ZMAT4: variants seen among roughly 807,000 people sequenced by gnomAD.
ZMAT4 encodes zinc finger matrin-type 4.
A neutral mutation model predicts 28.7 loss-of-function variants in ZMAT4; 17 were observed. The observed-to-expected ratio is 0.59, with a 90% CI of 0.41 to 0.89. ZMAT4 has a LOEUF of 0.89. Ranked by LOEUF, ZMAT4 falls within the 40% of genes least tolerant of loss-of-function variation. The pLI, the probability that ZMAT4 is intolerant of heterozygous loss-of-function variation, is 0.00. For missense variants in ZMAT4, 240 were observed against 283.8 expected (o/e 0.85, Z 1.11); for synonymous variants, 117 against 109.2 (o/e 1.07, Z -0.44).
intron 6 of ZMAT4, among the ~76,000 whole-genome samples, chr8:40,540,474 G>C (rs1042631536): frequency 4.6e-5 from 7 of 152,152 alleles, no homozygotes; most frequent in Non-Finnish European, 7.4e-5. Flanking sequence ...GGACAAACAA[G>C]CTCCAAATTT....
Position 40,767,738 on chromosome 8 carries a change from G to A in ZMAT4, c.103-8C>T, listed in dbSNP as rs769804147. On this transcript the variant is annotated splice_polypyrimidine_tract_variant and splice_region_variant and intron_variant, in intron 2 of 6. Transcript: ENST00000297737. ...GCTTGCATGTTTTCGACTCTGGGAA[G>A]GAAAAGCATAAGCAGATACTGTAAA... 5 of 1,609,532 alleles carry A rather than the reference G, an allele frequency of 3.1e-6. No homozygotes were observed. In the African/African-American group the frequency reaches 6.7e-5, roughly 22 times the overall value.
At chr8:40,693,271 C>T (rs1809733339) in intron 4 of ZMAT4, among the ~76,000 whole-genome samples, 1 of 152,152 alleles carries the variant, frequency 6.6e-6, no homozygotes, top group African/African-American at 2.4e-5. Flanking sequence ...CATGTGCCAT[C>T]ATGCCTGGCT....
At chr8:40,769,764 T>C (rs2150563149) in intron 2 of ZMAT4, among the ~76,000 whole-genome samples, 1 of 151,496 alleles carries the variant, frequency 6.6e-6, no homozygotes, top group African/African-American at 2.4e-5. Flanking sequence ...GGAAATCTCA[T>C]CATGCGGCCT....
chr8:40,580,434 A>G (rs1044933974), intron 6 of ZMAT4, among the ~76,000 whole-genome samples: 1 of 152,208 alleles, frequency 6.6e-6, no homozygotes, highest in Non-Finnish European at 1.5e-5. Context: ...ATGTTAAATG[A>G]TCCTCCTAAT....
chr8:40,763,183 C>G (rs1457601507), intron 3 of ZMAT4, among the ~76,000 whole-genome samples: 1 of 152,174 alleles, frequency 6.6e-6, no homozygotes, highest in African/African-American at 2.4e-5. Context: ...CATCTGACTT[C>G]CCCACTAGAT....
intron 1 of ZMAT4, among the ~76,000 whole-genome samples, chr8:40,894,595 G>A (rs1006348095): frequency 2.0e-5 from 3 of 151,990 alleles, no homozygotes; most frequent in African/African-American, 4.8e-5. Flanking sequence ...AGATGAAGAG[G>A]GAAAATAGCA....
intron 5 of ZMAT4, among the ~76,000 whole-genome samples, chr8:40,637,138 A>T (rs1806823736): frequency 6.6e-6 from 1 of 152,168 alleles, no homozygotes; most frequent in African/African-American, 2.4e-5. Flanking sequence ...GTGGGCACAC[A>T]GAAGTCCTGA....
At chr8:40,594,546 T>G (rs999206682) in intron 5 of ZMAT4, among the ~76,000 whole-genome samples, 1 of 152,192 alleles carries the variant, frequency 6.6e-6, no homozygotes, top group Non-Finnish European at 1.5e-5. Context: ...GAGATAATAA[T>G]TGTACCTACT....
intron 3 of ZMAT4, among the ~76,000 whole-genome samples, chr8:40,707,982 T>G (rs1470117534): frequency 6.6e-6 from 1 of 152,196 alleles, no homozygotes; most frequent in African/African-American, 2.4e-5. Context: ...TATCGTTTTT[T>G]TAAAATCTCT....
At chr8:40,865,457 C>A (rs1457523400) in intron 1 of ZMAT4, among the ~76,000 whole-genome samples, 5 of 152,206 alleles carry the variant, frequency 3.3e-5, no homozygotes, top group African/African-American at 1.2e-4. Context: ...AGGGATCTTC[C>A]AGGCAGGATG....
chr8:40,600,664 C>G (rs1040015273), intron 5 of ZMAT4, among the ~76,000 whole-genome samples: 4 of 152,192 alleles, frequency 2.6e-5, no homozygotes, highest in Admixed American at 6.5e-5. Context: ...TAATAACAGG[C>G]CTTCTGAAGG....
At chr8:40,892,372 C>A (rs1818725916) in intron 1 of ZMAT4, among the ~76,000 whole-genome samples, 1 of 151,600 alleles carries the variant, frequency 6.6e-6, no homozygotes, top group African/African-American at 2.4e-5. Flanking sequence ...CTCACAGCCA[C>A]ACTCAGGAGC....
intron 5 of ZMAT4, among the ~76,000 whole-genome samples, chr8:40,601,850 C>G (rs1347613691): frequency 3.3e-5 from 5 of 152,090 alleles, no homozygotes; most frequent in East Asian, 3.9e-4. Flanking sequence ...GTACAGGCAA[C>G]AGATGTTTTT....
chr8:40,607,586 G>A (rs1367431508), intron 5 of ZMAT4, among the ~76,000 whole-genome samples: 2 of 151,854 alleles, frequency 1.3e-5, no homozygotes, highest in East Asian at 1.9e-4. Context: ...GTGATTTCTT[G>A]GGGATGTTAA....
intron 1 of ZMAT4, among the ~76,000 whole-genome samples, chr8:40,871,126 A>T (rs1463948645): frequency 6.6e-6 from 1 of 152,204 alleles, no homozygotes; most frequent in East Asian, 1.9e-4. Context: ...CTGCCCACTC[A>T]TTCAGGTAAA....
intron 1 of ZMAT4, among the ~76,000 whole-genome samples, chr8:40,833,355 G>A (rs1053631578): frequency 6.6e-6 from 1 of 151,978 alleles, no homozygotes; most frequent in Non-Finnish European, 1.5e-5. Context: ...AGATTATGAG[G>A]TCAGGAGTTC....
intron 2 of ZMAT4, among the ~76,000 whole-genome samples, chr8:40,820,837 GTATGTGTGTATGTTTATGT>G (rs1815772556): frequency 3.8e-5 from 1 of 26,558 alleles, no homozygotes; most frequent in Non-Finnish European, 9.4e-5. Flanking sequence ...GTTTATGTGT[GTATGTGTGTATGTTTATGT>G]GTGTTTGTGT....
intron 3 of ZMAT4, among the ~76,000 whole-genome samples, chr8:40,725,869 T>C (rs1811297382): frequency 6.6e-6 from 1 of 152,258 alleles, no homozygotes; most frequent in Non-Finnish European, 1.5e-5. Context: ...AAGTAAGAGA[T>C]GGGCTTTGTA....
At chr8:40,657,715 T>C (rs892950147) in intron 5 of ZMAT4, among the ~76,000 whole-genome samples, 1 of 152,180 alleles carries the variant, frequency 6.6e-6, no homozygotes, top group Non-Finnish European at 1.5e-5. Flanking sequence ...ATGATTTTTT[T>C]CTCATCAACA....
Sources: gnomAD v4.1 joint callset for allele counts (sites outside exome capture counted in the v4.1 genomes callset) on GRCh38, gnomAD v4.1.1 for gene constraint, MANE v1.5 for transcripts, NCBI Gene and HGNC (gene_info 2026-07-23, HGNC 2026-07-21) for gene names.